The following BBS9 variants were observed in gnomAD, a reference collection of about 807,000 sequenced individuals.
The protein encoded by BBS9 is Bardet-Biedl syndrome 9.
A neutral mutation model predicts 117.7 loss-of-function variants in BBS9; 89 were observed. That is an observed-to-expected ratio of 0.76 (90% CI 0.64 to 0.90). BBS9 has a LOEUF of 0.90. BBS9 is among the 40% of genes least tolerant of loss of function. The pLI is 0.00. For synonymous variants in BBS9, 379 were observed against 370.9 expected (o/e 1.02, Z -0.25); for missense variants, 982 against 1,042.2 (o/e 0.94, Z 0.80).
At chr7:33,349,340 C>T (rs1254423003) in intron 13 of BBS9, 170 bp downstream of exon 13, 8 of 653,030 alleles carry the variant, frequency 1.2e-5, no homozygotes, top group Middle Eastern at 2.5e-4. Flanking sequence ...TCAGCATGAA[C>T]GTTCAATCAA....
At chr7:33,140,475 C>T (rs1791277597) in intron 1 of BBS9, among the ~76,000 whole-genome samples, 1 of 152,132 alleles carries the variant, frequency 6.6e-6, no homozygotes, top group Non-Finnish European at 1.5e-5. Context: ...ATGAAGATGA[C>T]TATGCTGTGT....
chr7:33,292,866 C>T (rs1045812532), intron 9 of BBS9, among the ~76,000 whole-genome samples: 5 of 151,932 alleles, frequency 3.3e-5, no homozygotes, highest in Non-Finnish European at 4.4e-5. Context: ...ATTAGCCAGG[C>T]GCGGTGGCAG....
chr7:33,597,872 CA>C (rs61054119), intron 21 of BBS9, among the ~76,000 whole-genome samples: 7,421 of 119,288 alleles, frequency 0.062, 208 homozygotes, highest in African/African-American at 0.093. Context: ...GCATGTATAC[CA>C]AAAAAAAAAA....
chr7:33,438,093 T>G (rs1158897703), intron 19 of BBS9, among the ~76,000 whole-genome samples: 1 of 152,218 alleles, frequency 6.6e-6, no homozygotes, highest in Non-Finnish European at 1.5e-5. Context: ...CATATTGTGG[T>G]GTTTTTATTT....
intron 21 of BBS9, among the ~76,000 whole-genome samples, chr7:33,540,370 G>A (rs1852091403): frequency 6.6e-6 from 1 of 152,174 alleles, no homozygotes; most frequent in Non-Finnish European, 1.5e-5. Context: ...AGCAGGATAG[G>A]CCTTTCTATG....
At chr7:33,509,756 G>C (rs6972695) in intron 20 of BBS9, among the ~76,000 whole-genome samples, 118,409 of 152,176 alleles carry the variant, frequency 0.78, 46,423 homozygotes, top group African/African-American at 0.87. Flanking sequence ...ATAGCCAACC[G>C]TGGAGTGTTT....
chr7:33,292,503 A>C (rs1395725884), intron 9 of BBS9, among the ~76,000 whole-genome samples: 1 of 152,178 alleles, frequency 6.6e-6, no homozygotes, highest in Non-Finnish European at 1.5e-5. Flanking sequence ...CTGGGATTAC[A>C]GGCATGACCC....
chr7:33,198,764 A>C (rs1785341726), intron 5 of BBS9, among the ~76,000 whole-genome samples: 1 of 152,032 alleles, frequency 6.6e-6, no homozygotes, highest in Non-Finnish European at 1.5e-5. Flanking sequence ...GACTGTGCTT[A>C]GCTTTTCCAC....
At chr7:33,253,978 G>A (rs948997583) in intron 5 of BBS9, among the ~76,000 whole-genome samples, 3 of 152,154 alleles carry the variant, frequency 2.0e-5, no homozygotes, top group Non-Finnish European at 4.4e-5. Context: ...GCAGCAGTTA[G>A]CATCTCTGCC....
chr7:33,149,963 T>C (rs1371099082), intron 2 of BBS9, among the ~76,000 whole-genome samples: 1 of 152,226 alleles, frequency 6.6e-6, no homozygotes, highest in Non-Finnish European at 1.5e-5. Flanking sequence ...CATGACAGGA[T>C]ACATGGGAAG....
At chr7:33,331,701 A>G (rs1427392335) in intron 9 of BBS9, among the ~76,000 whole-genome samples, 8 of 150,986 alleles carry the variant, frequency 5.3e-5, no homozygotes, top group Admixed American at 5.3e-4. Context: ...AACTCCCCCC[A>G]AAAAACCACC....
chr7:33,484,817 C>T (rs1387300372), intron 19 of BBS9, among the ~76,000 whole-genome samples: 1 of 152,188 alleles, frequency 6.6e-6, no homozygotes, highest in Non-Finnish European at 1.5e-5. Context: ...GAATATAACT[C>T]CTTCTGTTAT....
At chr7:33,393,505 C>T (rs919753872) in intron 19 of BBS9, among the ~76,000 whole-genome samples, 1 of 152,132 alleles carries the variant, frequency 6.6e-6, no homozygotes, top group Non-Finnish European at 1.5e-5. Context: ...AATAACGTAG[C>T]TGGTCCTGGC....
At chr7:33,366,548 T>TC (rs1821784691) in intron 16 of BBS9, among the ~76,000 whole-genome samples, 1 of 136,300 alleles carries the variant, frequency 7.3e-6, no homozygotes, top group East Asian at 2.1e-4. Context: ...TCTTTCTTTT[T>TC]TTTTTTTTTT....
At chr7:33,509,607 A>G (rs1225672677) in intron 20 of BBS9, among the ~76,000 whole-genome samples, 1 of 152,234 alleles carries the variant, frequency 6.6e-6, no homozygotes, top group African/African-American at 2.4e-5. Flanking sequence ...AGAGCCTCTC[A>G]GCTCAAGGTC....
chr7:33,449,767 A>G (rs1441554197), intron 19 of BBS9, among the ~76,000 whole-genome samples: 1 of 152,186 alleles, frequency 6.6e-6, no homozygotes, highest in Non-Finnish European at 1.5e-5. Context: ...ATTTTACCAT[A>G]GGAATTAAGG....
intron 2 of BBS9, among the ~76,000 whole-genome samples, chr7:33,150,465 T>G (rs1002452985): frequency 6.6e-6 from 1 of 152,142 alleles, no homozygotes; most frequent in Non-Finnish European, 1.5e-5. Context: ...CTTGATTAAT[T>G]GTTCTGTTAC....
At chr7:33,409,636 G>A (rs960328855) in intron 19 of BBS9, among the ~76,000 whole-genome samples, 13 of 152,068 alleles carry the variant, frequency 8.5e-5, no homozygotes, top group African/African-American at 2.7e-4. Context: ...CAGTGTATGA[G>A]GATTCTGTTT....
At chr7:33,159,096 C>T (rs1470317392) in intron 4 of BBS9, among the ~76,000 whole-genome samples, 1 of 152,110 alleles carries the variant, frequency 6.6e-6, no homozygotes, top group Non-Finnish European at 1.5e-5. Flanking sequence ...CTATTTCCAC[C>T]TCCATTTAGG....
Sources: gnomAD v4.1 joint callset for allele counts (sites outside exome capture counted in the v4.1 genomes callset) on GRCh38, gnomAD v4.1.1 for gene constraint, MANE v1.5 for transcripts, NCBI Gene and HGNC (gene_info 2026-07-23, HGNC 2026-07-21) for gene names.